LSM11: variants seen among roughly 807,000 people sequenced by gnomAD.
LSM11 encodes LSM11, U7 small nuclear RNA associated.
Under a neutral mutation model 28.1 loss-of-function variants are expected in LSM11, and 14 were observed. The observed-to-expected ratio is 0.50, with a 90% CI of 0.33 to 0.78. The LOEUF (loss-of-function observed/expected upper bound fraction) is 0.78. LSM11 is among the 30% of genes least tolerant of loss of function. The pLI, the probability that LSM11 is intolerant of heterozygous loss-of-function variation, is 0.02. For synonymous variants in LSM11, 207 were observed against 214.2 expected (o/e 0.97, Z 0.30); for missense variants, 495 against 510.6 (o/e 0.97, Z 0.30).
Position 157,755,055 on chromosome 5 carries a change from G to A in LSM11, c.874G>A (p.Glu292Lys), listed in dbSNP as rs1433541241. ...TTCCCTGCAGGCCTCTGCAAGGGAG[G>A]AGTCCAGGTCAGAGCTGTCAGGGAG... is the stretch of plus-strand genomic sequence containing the variant. ...PSSLQASARE[E>K]SRSELSGRTT... The change falls in exon 4 of 4, where the codon GAG becomes AAG. Residue 292 changes from glutamate to lysine, a missense_variant. Glu to Lys is a moderately conservative substitution (Grantham distance 56). Transcript: ENST00000286307. 6.2e-7 allele frequency: 1 copy of A among 1,614,230 alleles called. No individual in the cohort carries two copies. The highest frequency in any genetic ancestry group is 1.7e-5 in the Admixed American group (1 of 60,028).
rs778976905 is a variant in LSM11 at position 157,752,162 on chromosome 5, C to CTG, written c.588+634_588+635insGT. On this transcript the variant is annotated intron_variant, in intron 2 of 3. Transcript: ENST00000286307. Reference sequence around the variant, plus strand: ...GTAAACAAAGCATTTTGCATGATGTCTTTTTTTTTTTTTTTTGAGACAGTG... The same window carrying CTG: ...GTAAACAAAGCATTTTGCATGATGTCTGTTTTTTTTTTTTTTTTGAGACAGTG... 2.0e-3 allele frequency among the ~76,000 whole-genome samples: 276 copies of CTG among 140,120 alleles called. 1 individual carries two copies. The highest frequency in any genetic ancestry group is 7.0e-3 in the African/African-American group (268 of 38,252). 91.9% of individuals were successfully genotyped at this position (140,120 alleles called of 152,430 possible). A position where few individuals can be genotyped will look rare whatever the true frequency, so the allele number is the denominator to read the frequency against.
intron 3 of LSM11, 99 bp from the exon 4 acceptor site, chr5:157,754,755 C>CACA: frequency 9.8e-7 from 1 of 1,015,394 alleles, no homozygotes. Flanking sequence ...GCAAGGAGTC[C>CACA]ACAGAACATA....
At chr5:157,744,575 G>A (rs10061308) in intron 1 of LSM11, among the ~76,000 whole-genome samples, 53,420 of 151,844 alleles carry the variant, frequency 0.35, 9,569 homozygotes, top group East Asian at 0.54. Context: ...GAGAGGTGGC[G>A]GGGCTACAGA....
chr5:157,755,489 C>T lies in LSM11; in HGVS notation c.*225C>T, dbSNP rs192622785. On this transcript the variant is annotated 3_prime_UTR_variant, in exon 4 of 4. Coordinates refer to ENST00000286307, the MANE Select transcript of LSM11 (RefSeq NM_173491.4). Reference sequence around the variant, plus strand: ...TCAAGGCAAAAAGCATTCATAGATACATGCATCTGATTTGGTATTGTGATT... The same window carrying T: ...TCAAGGCAAAAAGCATTCATAGATATATGCATCTGATTTGGTATTGTGATT... The T allele has an allele frequency of 1.8e-5, 10 of 571,220 alleles. No individual in the cohort carries two copies. The East Asian group carries it at 2.3e-4, about 13-fold the overall frequency. The allele number at this position is 571,220 out of a possible 1,614,324, so 35.4% of individuals were successfully genotyped here. A position where few individuals can be genotyped will look rare whatever the true frequency, so the allele number is the denominator to read the frequency against.
At chr5:157,751,608 T>A in intron 2 of LSM11, 79 bp downstream of exon 2, 1 of 1,479,490 alleles carries the variant, frequency 6.8e-7, no homozygotes, top group Non-Finnish European at 9.1e-7. Flanking sequence ...CCTGAGTAAC[T>A]GCATTAAGTA....
intron 1 of LSM11, among the ~76,000 whole-genome samples, chr5:157,750,417 C>A (rs1417592817): frequency 2.6e-5 from 4 of 152,202 alleles, no homozygotes; most frequent in African/African-American, 9.7e-5. Flanking sequence ...AATATTCTTC[C>A]TATGAGTCAT....
At position 157,756,066 on chromosome 5, in the gene LSM11, A is replaced by C. The variant is rs764600179; in HGVS notation, c.*802A>C. The C allele has an allele frequency of 5.2e-6, 1 of 191,694 alleles. No homozygotes were observed. The allele number at this position is 191,694 out of a possible 1,614,324, so 11.9% of individuals were successfully genotyped here. On this transcript the variant is annotated 3_prime_UTR_variant, in exon 4 of 4. Transcript: ENST00000286307. Reference sequence around the variant, plus strand: ...CCTGTGGTATTGCCCCTCTGTCCGTAGTGTGAACTGTCCTGTGAGCTTTAT... The same window carrying C: ...CCTGTGGTATTGCCCCTCTGTCCGTCGTGTGAACTGTCCTGTGAGCTTTAT...
chr5:157,752,861 A>G (rs1761260193), intron 2 of LSM11, among the ~76,000 whole-genome samples: 1 of 137,140 alleles, frequency 7.3e-6, no homozygotes, highest in Non-Finnish European at 1.6e-5. Context: ...AAAAAAAAAA[A>G]AAAAGAACCA....
In LSM11 at chr5:157,743,969, G is replaced by T; in HGVS notation, c.219G>T (p.Gly73=). ...LRTGVRGGGR[G]RGRARGAAAG... Reference sequence around the variant, plus strand: ...CCGGAGTCCGGGGCGGCGGGCGCGGGCGCGGGCGGGCTCGGGGCGCGGCCG... The same window carrying T: ...CCGGAGTCCGGGGCGGCGGGCGCGGTCGCGGGCGGGCTCGGGGCGCGGCCG... Residue 73 remains glycine (G), a synonymous_variant, in exon 1 of 4, where the codon GGG becomes GGT. Coordinates refer to ENST00000286307, the MANE Select transcript of LSM11 (RefSeq NM_173491.4). 1 of 1,287,860 alleles carries T rather than the reference G, an allele frequency of 7.8e-7. No homozygotes were observed. Among genetic ancestry groups the T allele is most frequent in the African/African-American group, 1.5e-5 (1 of 64,958 alleles). The allele number at this position is 1,287,860 out of a possible 1,614,324, so 79.8% of individuals were successfully genotyped here.
At position 157,755,851 on chromosome 5, in the gene LSM11, A is replaced by G. The variant is rs2113079607; in HGVS notation, c.*587A>G. On this transcript the variant is annotated 3_prime_UTR_variant, in exon 4 of 4. Coordinates refer to ENST00000286307, the MANE Select transcript of LSM11 (RefSeq NM_173491.4). ...GAAATTTGGATAGGCGGTATGCTCAAAGCAGCCAGCAATGAGTGCTCTGTT... is the reference window on the plus strand; with the variant it reads ...GAAATTTGGATAGGCGGTATGCTCAGAGCAGCCAGCAATGAGTGCTCTGTT... The G allele has an allele frequency of 2.5e-6, 1 of 399,038 alleles. No individual in the cohort carries two copies. The highest frequency in any genetic ancestry group is 2.1e-5 in the African/African-American group (1 of 48,652). 24.7% of individuals were successfully genotyped at this position (399,038 alleles called of 1,614,324 possible).
chr5:157,744,158 G>A lies in LSM11; in HGVS notation c.408G>A (p.Arg136=). Residue 136 remains arginine, a synonymous_variant, in exon 1 of 4, where the codon CGG becomes CGA. Coordinates refer to ENST00000286307, the MANE Select transcript of LSM11 (RefSeq NM_173491.4). ...AAGAGRRGPG[R]SRKAPRNVLT... ...GAGCGGGCCGGAGGGGTCCGGGTCG[G>A]AGCAGGAAGGCGCCACGCAACGTGC... 7.1e-7 allele frequency: 1 copy of A among 1,407,572 alleles called. No homozygotes were observed. The highest frequency in any genetic ancestry group is 9.2e-7 in the Non-Finnish European group (1 of 1,081,668). The allele number at this position is 1,407,572 out of a possible 1,614,324, so 87.2% of individuals were successfully genotyped here. A position where few individuals can be genotyped will look rare whatever the true frequency, so the allele number is the denominator to read the frequency against.
At chr5:157,753,118 G>A (rs531190816) in intron 2 of LSM11, among the ~76,000 whole-genome samples, 27 of 152,260 alleles carry the variant, frequency 1.8e-4, no homozygotes, top group Non-Finnish European at 3.4e-4. Flanking sequence ...TGGAATGTTG[G>A]TCGCAGATCA....
At position 157,754,103 on chromosome 5, in the gene LSM11, CT is replaced by C. The variant is rs1450322072; in HGVS notation, c.672+17del. The C allele has an allele frequency of 1.3e-6, 2 of 1,512,124 alleles. No individual in the cohort carries two copies. The highest frequency in any genetic ancestry group is 4.9e-5 in the East Asian group (2 of 40,772). 93.7% of individuals were successfully genotyped at this position (1,512,124 alleles called of 1,614,324 possible). A position where few individuals can be genotyped will look rare whatever the true frequency, so the allele number is the denominator to read the frequency against. ...TCTCACTAGGGTAGGCAGTTTTCCCCTGACCTCCTGAGTAGCCATCATGCTT... is the reference window on the plus strand; with the variant it reads ...TCTCACTAGGGTAGGCAGTTTTCCCCGACCTCCTGAGTAGCCATCATGCTT... On this transcript the variant is annotated intron_variant, in intron 3 of 3. Transcript: ENST00000286307.
chr5:157,760,043 T>C lies in LSM11; in HGVS notation c.*4779T>C, dbSNP rs1057286792. On this transcript the variant is annotated 3_prime_UTR_variant, in exon 4 of 4. Coordinates refer to ENST00000286307, the MANE Select transcript of LSM11 (RefSeq NM_173491.4). ...CCTGAGACCTTCAGTTAGTCTTTTATTTATTTAGAATAAAAAATAGTTTGA... is the reference window on the plus strand; with the variant it reads ...CCTGAGACCTTCAGTTAGTCTTTTACTTATTTAGAATAAAAAATAGTTTGA... 5 of 152,246 alleles carry C rather than the reference T, an allele frequency of 3.3e-5. No homozygotes were observed. Among genetic ancestry groups the C allele is most frequent in the African/African-American group, 1.2e-4 (5 of 41,458 alleles). 9.4% of individuals were successfully genotyped at this position (152,246 alleles called of 1,614,324 possible).
At chr5:157,753,922 C>CT (rs35074350) in intron 2 of LSM11, 82 bp from the exon 3 acceptor site, 87,832 of 841,074 alleles carry the variant, frequency 0.1, 1,375 homozygotes, top group Middle Eastern at 0.12. Flanking sequence ...GTTACTCTGC[C>CT]TTTTTTTTTT....
In LSM11 at chr5:157,743,797, C is replaced by T. The variant is rs1431751011; in HGVS notation, c.47C>T (p.Pro16Leu). The change falls in exon 1 of 4, where the codon CCC (proline) becomes CTC (leucine). Residue 16 changes from proline (P) to leucine (L), a missense_variant. By Grantham distance (98) the Pro-to-Leu change is moderately conservative. Coordinates refer to ENST00000286307, the MANE Select transcript of LSM11 (RefSeq NM_173491.4). ...RGARSAGAGS[P>L]ARPPSPRLDV... Reference sequence around the variant, plus strand: ...GCGAGGTCGGCTGGCGCCGGGAGCCCCGCGCGCCCGCCCAGCCCGCGGCTG... The same window carrying T: ...GCGAGGTCGGCTGGCGCCGGGAGCCTCGCGCGCCCGCCCAGCCCGCGGCTG... 2 of 1,462,694 alleles carry T rather than the reference C, an allele frequency of 1.4e-6. No individual in the cohort carries two copies. Among genetic ancestry groups the T allele is most frequent in the Non-Finnish European group, 1.8e-6 (2 of 1,111,156 alleles). The allele number at this position is 1,462,694 out of a possible 1,614,324, so 90.6% of individuals were successfully genotyped here.
chr5:157,744,378 A>C (rs1761114544), intron 1 of LSM11, among the ~76,000 whole-genome samples, 180 bp downstream of exon 1: 1 of 151,952 alleles, frequency 6.6e-6, no homozygotes, highest in Non-Finnish European at 1.5e-5. Context: ...TAATGTGGGT[A>C]ATGAGGGCGT....
rs1437664474 is a variant in LSM11, at chr5:157,755,251, A to T, written c.1070A>T (p.His357Leu). The T allele has an allele frequency of 1.2e-6, 2 of 1,613,722 alleles. No individual in the cohort carries two copies. Among genetic ancestry groups the T allele is most frequent in the African/African-American group, 2.7e-5 (2 of 74,946 alleles). Reference sequence around the variant, plus strand: ...CGAGGCGAGAATGTCCTGCTGGTTCATCTTGCACAGTGACCAGCTCAGCCT... The same window carrying T: ...CGAGGCGAGAATGTCCTGCTGGTTCTTCTTGCACAGTGACCAGCTCAGCCT... Reference protein sequence around the residue: ...FIRGENVLLVHLAQ With the variant: ...FIRGENVLLVLLAQ The change falls in exon 4 of 4, where the codon CAT becomes CTT. Residue 357 changes from histidine (H) to leucine (L), a missense_variant. Coordinates refer to ENST00000286307, the MANE Select transcript of LSM11 (RefSeq NM_173491.4).
At chr5:157,754,809 G>A in intron 3 of LSM11, 45 bp from the exon 4 acceptor site, 3 of 1,536,086 alleles carry the variant, frequency 2.0e-6, no homozygotes, top group Non-Finnish European at 2.6e-6. Flanking sequence ...AGAGGGTGAT[G>A]AAGGCTAAAG....
Sources: gnomAD v4.1 joint callset for allele counts (sites outside exome capture counted in the v4.1 genomes callset) on GRCh38, gnomAD v4.1.1 for gene constraint, MANE v1.5 for transcripts, NCBI Gene and HGNC (gene_info 2026-07-23, HGNC 2026-07-21) for gene names.